MACROD2: variants seen among roughly 807,000 people sequenced by gnomAD.
MACROD2 encodes ADP-ribose glycohydrolase MACROD2.
MACROD2 carries 36 observed loss-of-function variants against 70.4 expected under a neutral mutation model. The ratio of observed to expected loss-of-function variants is 0.51; its 90% confidence interval spans 0.39 to 0.68. The LOEUF (loss-of-function observed/expected upper bound fraction) is 0.68, where lower values mean the gene tolerates loss of function less well. MACROD2 is among the 30% of genes least tolerant of loss of function. The pLI, the probability that MACROD2 is intolerant of heterozygous loss-of-function variation, is 0.00. For missense variants in MACROD2, 496 were observed against 538.4 expected (o/e 0.92, Z 0.78); for synonymous variants, 172 against 178.8 (o/e 0.96, Z 0.30).
chr20:15,186,249 C>G (rs1015666286), intron 5 of MACROD2, among the ~76,000 whole-genome samples: 5 of 151,792 alleles, frequency 3.3e-5, no homozygotes, highest in Admixed American at 6.6e-5. Context: ...TCCACTTGTT[C>G]TTTCTCTCCT....
intron 4 of MACROD2, among the ~76,000 whole-genome samples, chr20:14,663,667 G>A (rs964303780): frequency 4.6e-5 from 7 of 151,612 alleles, no homozygotes; most frequent in African/African-American, 1.7e-4. Flanking sequence ...AGATATAGGA[G>A]TTCTTTATAC....
chr20:15,100,237 C>T (rs1180319980), intron 5 of MACROD2, among the ~76,000 whole-genome samples: 1 of 152,050 alleles, frequency 6.6e-6, no homozygotes, highest in Non-Finnish European at 1.5e-5. Context: ...TAGTTCCCAA[C>T]TGATGATGGT....
At chr20:15,734,602 G>C (rs1372516034) in intron 8 of MACROD2, among the ~76,000 whole-genome samples, 1 of 152,168 alleles carries the variant, frequency 6.6e-6, no homozygotes, top group Non-Finnish European at 1.5e-5. Context: ...ACAGCACTTT[G>C]TTCCCTGAAA....
intron 4 of MACROD2, among the ~76,000 whole-genome samples, chr20:14,589,296 G>T (rs6079501): frequency 0.64 from 97,351 of 152,000 alleles, 32,791 homozygotes; most frequent in East Asian, 0.93. Context: ...TTAAAATGGT[G>T]AATTTCTCCT....
chr20:14,861,445 A>G (rs2073315708), intron 5 of MACROD2, among the ~76,000 whole-genome samples: 1 of 152,102 alleles, frequency 6.6e-6, no homozygotes. Context: ...GTCACTGACT[A>G]AGAGACAGTG....
At chr20:14,538,473 AC>A (rs2085392917) in intron 4 of MACROD2, among the ~76,000 whole-genome samples, 1 of 151,944 alleles carries the variant, frequency 6.6e-6, no homozygotes, top group South Asian at 2.1e-4. Context: ...ATCACAATAC[AC>A]CCCTGCCTAA....
intron 7 of MACROD2, among the ~76,000 whole-genome samples, chr20:15,442,173 A>C (rs1421376430): frequency 6.6e-6 from 1 of 152,194 alleles, no homozygotes; most frequent in East Asian, 1.9e-4. Flanking sequence ...AAATAATTTG[A>C]CAGGTCTTAG....
chr20:14,279,797 C>T (rs1298748011), intron 3 of MACROD2, among the ~76,000 whole-genome samples: 2 of 152,138 alleles, frequency 1.3e-5, no homozygotes, highest in Non-Finnish European at 2.9e-5. Flanking sequence ...TCTGAATCCA[C>T]ATTTTAAATG....
chr20:14,183,759 G>A (rs1354091153), intron 3 of MACROD2, among the ~76,000 whole-genome samples: 2 of 152,108 alleles, frequency 1.3e-5, no homozygotes, highest in African/African-American at 4.8e-5. Flanking sequence ...ATCTCATTGT[G>A]GTTTTGATTT....
chr20:15,259,416 A>G (rs1290736749), intron 6 of MACROD2, among the ~76,000 whole-genome samples: 6 of 151,978 alleles, frequency 3.9e-5, no homozygotes, highest in African/African-American at 1.4e-4. Flanking sequence ...TTGACAGGCA[A>G]TGTTGTATTT....
At chr20:15,890,811 T>A (rs927249146) in intron 10 of MACROD2, among the ~76,000 whole-genome samples, 22 of 152,138 alleles carry the variant, frequency 1.4e-4, no homozygotes. Flanking sequence ...TGTAATGTAA[T>A]TTTAGAATCC....
intron 8 of MACROD2, among the ~76,000 whole-genome samples, chr20:15,793,192 A>T (rs2063641536): frequency 6.6e-6 from 1 of 152,094 alleles, no homozygotes; most frequent in African/African-American, 2.4e-5. Flanking sequence ...TTGAACTCCG[A>T]TTGCCTTTGT....
chr20:15,137,665 T>A (rs1001220540), intron 5 of MACROD2, among the ~76,000 whole-genome samples: 2 of 151,468 alleles, frequency 1.3e-5, no homozygotes, highest in East Asian at 1.9e-4. Context: ...CATATGTAAC[T>A]AACCTGCACT....
intron 5 of MACROD2, among the ~76,000 whole-genome samples, chr20:14,938,940 ATTTTTT>A (rs1230863391): frequency 1.2e-5 from 1 of 86,456 alleles, no homozygotes; most frequent in Non-Finnish European, 2.5e-5. Flanking sequence ...GTTAAATCAG[ATTTTTT>A]TTTTTTTTTT....
chr20:14,054,781 A>G (rs887242973), intron 2 of MACROD2, among the ~76,000 whole-genome samples: 4 of 152,156 alleles, frequency 2.6e-5, no homozygotes, highest in Non-Finnish European at 4.4e-5. Context: ...GTCCAGAACA[A>G]TTTCAATGGG....
chr20:14,222,950 G>A (rs1375668859), intron 3 of MACROD2: 1 of 152,102 alleles, frequency 6.6e-6, no homozygotes, highest in Non-Finnish European at 1.5e-5. Flanking sequence ...TTAGCCACAG[G>A]AAAGAAACAA....
chr20:14,245,020 CT>C (rs948085910), intron 3 of MACROD2, among the ~76,000 whole-genome samples: 1 of 152,048 alleles, frequency 6.6e-6, no homozygotes, highest in Non-Finnish European at 1.5e-5. Flanking sequence ...TAAATTGTAC[CT>C]GCTTTTTGAG....
At chr20:14,844,196 A>AT (rs148216465) in intron 5 of MACROD2, among the ~76,000 whole-genome samples, 3 of 151,914 alleles carry the variant, frequency 2.0e-5, no homozygotes, top group South Asian at 2.1e-4. Flanking sequence ...TAGTAAGATA[A>AT]TTTTTTTTCC....
chr20:15,343,898 C>T (rs2078136101), intron 6 of MACROD2, among the ~76,000 whole-genome samples: 1 of 152,194 alleles, frequency 6.6e-6, no homozygotes, highest in Non-Finnish European at 1.5e-5. Context: ...AAAGTCCCTT[C>T]TTCCCTTACA....
Sources: gnomAD v4.1 joint callset for allele counts (sites outside exome capture counted in the v4.1 genomes callset) on GRCh38, gnomAD v4.1.1 for gene constraint, MANE v1.5 for transcripts, NCBI Gene and HGNC (gene_info 2026-07-23, HGNC 2026-07-21) for gene names.